FRY: variants seen among roughly 807,000 people sequenced by gnomAD.
FRY encodes the protein protein furry homolog.
A neutral mutation model predicts 348.4 loss-of-function variants in FRY; 128 were observed. The ratio of observed to expected loss-of-function variants is 0.37; its 90% confidence interval spans 0.32 to 0.43. The LOEUF (loss-of-function observed/expected upper bound fraction) is 0.43, where lower values mean the gene tolerates loss of function less well. Among genes scored for constraint, FRY ranks in the 20% least tolerant of loss-of-function variants. FRY has a pLI of 1.00. For synonymous variants in FRY, 1,370 were observed against 1,374.7 expected (o/e 1.00, Z 0.08); for missense variants, 2,736 against 3,695.2 (o/e 0.74, Z 6.73).
chr13:32,167,068 G>A (rs946273946), intron 17 of FRY, among the ~76,000 whole-genome samples: 9 of 152,170 alleles, frequency 5.9e-5, no homozygotes, highest in Admixed American at 3.9e-4. Flanking sequence ...CAAATTGTGC[G>A]TGAGAGCAAA....
At chr13:32,180,037 TG>T (rs1882604124) in intron 23 of FRY, among the ~76,000 whole-genome samples, 1 of 152,224 alleles carries the variant, frequency 6.6e-6, no homozygotes, top group Admixed American at 6.5e-5. Flanking sequence ...TTTATTTCAC[TG>T]GCAAGCTTTG....
chr13:32,226,036 G>A (rs1885561644), intron 39 of FRY, 62 bp downstream of exon 39: 20 of 1,433,158 alleles, frequency 1.4e-5, no homozygotes, highest in East Asian at 4.6e-5. Flanking sequence ...AACTAACTGC[G>A]GGTGCCAGTG....
rs545299025 is a variant in FRY at position 32,285,563 on chromosome 13, C to T, written c.8470-4070C>T. Reference sequence around the variant, plus strand: ...GCTGGAGTCGAAAAGTTTCCTCTGCCTTTATTGAACAGAAAAGATTTTACT... The same window carrying T: ...GCTGGAGTCGAAAAGTTTCCTCTGCTTTTATTGAACAGAAAAGATTTTACT... On this transcript the variant is annotated intron_variant, in intron 58 of 60. Transcript: ENST00000542859. Among the ~76,000 whole-genome samples, 7 of 152,270 alleles carry T rather than the reference C, an allele frequency of 4.6e-5. No individual in the cohort carries two copies. In the South Asian group the frequency reaches 1.2e-3, roughly 27 times the overall value.
intron 7 of FRY, among the ~76,000 whole-genome samples, chr13:32,130,054 C>CTT (rs746424659): frequency 0.01 from 1,286 of 127,992 alleles, 29 homozygotes; most frequent in African/African-American, 0.037. Context: ...CTCCCCCAGC[C>CTT]TTTTTTTTTT....
intron 35 of FRY, among the ~76,000 whole-genome samples, chr13:32,215,717 G>T (rs1002383950): frequency 2.7e-4 from 41 of 152,118 alleles, no homozygotes; most frequent in African/African-American, 8.9e-4. Context: ...ATACAGACAT[G>T]TGTCACCACA....
intron 1 of FRY, among the ~76,000 whole-genome samples, chr13:32,070,420 G>T (rs1258909927): frequency 6.6e-6 from 1 of 152,214 alleles, no homozygotes; most frequent in Non-Finnish European, 1.5e-5. Context: ...TAACTGGCAT[G>T]AGATGGTATC....
intron 16 of FRY, among the ~76,000 whole-genome samples, chr13:32,159,353 G>C (rs889665332): frequency 3.9e-5 from 6 of 152,124 alleles, no homozygotes; most frequent in Non-Finnish European, 5.9e-5. Context: ...GATATTTGAA[G>C]CTGGGCCACC....
intron 20 of FRY, 84 bp from the exon 21 acceptor site, chr13:32,178,093 A>AGAAT (rs912747254): frequency 6.9e-7 from 1 of 1,445,660 alleles, no homozygotes; most frequent in African/African-American, 1.4e-5. Flanking sequence ...GCACTGTGCA[A>AGAAT]GAATGAGTAG....
intron 58 of FRY, among the ~76,000 whole-genome samples, chr13:32,283,808 T>C (rs1045903042): frequency 1.3e-5 from 2 of 152,226 alleles, no homozygotes; most frequent in Non-Finnish European, 2.9e-5. Flanking sequence ...TTGCGGACAC[T>C]GCTTTAGTAG....
Position 32,184,682 on chromosome 13 carries a change from T to A in FRY, c.3137T>A (p.Ile1046Lys). 1 of 1,592,430 alleles carries A rather than the reference T, an allele frequency of 6.3e-7. No homozygotes were observed. Among genetic ancestry groups the A allele is most frequent in the Non-Finnish European group, 8.6e-7 (1 of 1,160,196 alleles). Residue 1046 changes from isoleucine to lysine, a missense_variant, in exon 25 of 61, where the codon ATA becomes AAA. By Grantham distance (102) the Ile-to-Lys change is moderately radical. This residue lies in a region of FRY where 449 missense variants were observed against 576.9 expected (regional missense o/e 0.78). Coordinates refer to ENST00000542859, the MANE Select transcript of FRY (RefSeq NM_023037.3). ...IFELLADAGV[I>K]SDSTNGALER... is the part of the protein sequence containing the mutation. ...GAACTTTTGGCTGATGCTGGTGTAA[T>A]AAGTGACAGGTAGGATCAGAATTCT...
intron 2 of FRY, among the ~76,000 whole-genome samples, chr13:32,082,505 A>G (rs1875565155): frequency 6.6e-6 from 1 of 152,184 alleles, no homozygotes; most frequent in African/African-American, 2.4e-5. Flanking sequence ...TGTCTCTTTT[A>G]TATTTTTATT....
chr13:32,252,096 A>G (rs1887113237), intron 50 of FRY, 144 bp downstream of exon 50: 1 of 696,840 alleles, frequency 1.4e-6, no homozygotes, highest in Non-Finnish European at 2.6e-6. Context: ...CCCCTGGACT[A>G]TTTCTCCCCA....
chr13:32,263,969 T>C (rs1040644867), intron 53 of FRY, among the ~76,000 whole-genome samples: 1 of 152,004 alleles, frequency 6.6e-6, no homozygotes, highest in Non-Finnish European at 1.5e-5. Context: ...ATCGCACCAC[T>C]GCACTCCAGC....
chr13:32,193,058 G>C (rs1361709518), intron 28 of FRY, among the ~76,000 whole-genome samples: 1 of 151,576 alleles, frequency 6.6e-6, no homozygotes, highest in African/African-American at 2.4e-5. Flanking sequence ...GTTACTTTCT[G>C]AGAAGAAAGT....
At chr13:32,049,478 C>T (rs975611431) in intron 1 of FRY, among the ~76,000 whole-genome samples, 5 of 152,118 alleles carry the variant, frequency 3.3e-5, no homozygotes, top group African/African-American at 7.2e-5. Context: ...CTTGCTCTGT[C>T]GGCTGGAGTG....
intron 4 of FRY, 28 bp downstream of exon 4, chr13:32,117,501 GT>G (rs761927514): frequency 1.7e-5 from 27 of 1,606,756 alleles, no homozygotes; most frequent in Admixed American, 6.7e-5. Context: ...AAGGATCATG[GT>G]TTTATTTTGT....
intron 29 of FRY, among the ~76,000 whole-genome samples, chr13:32,201,511 G>A (rs75145372): frequency 0.022 from 3,423 of 152,298 alleles, 59 homozygotes; most frequent in Non-Finnish European, 0.034. Flanking sequence ...CCTGATAGTT[G>A]TTTGGCACTT....
chr13:32,292,669 G>A lies in FRY; in HGVS notation c.8581-1699G>A, dbSNP rs146448757. 8.2e-4 allele frequency among the ~76,000 whole-genome samples: 124 copies of A among 152,084 alleles called. 1 individual carries two copies. Among genetic ancestry groups the A allele is most frequent in the African/African-American group, 2.8e-3 (116 of 41,510 alleles). On this transcript the variant is annotated intron_variant, in intron 59 of 60. Transcript: ENST00000542859. ...TAGCCAGGCATGGTAGCCCGTGCCC[G>A]TAATCCCAGCTACTTGAGAGGCTGA... is the stretch of plus-strand genomic sequence containing the variant.
chr13:32,285,903 A>G (rs1232078300), intron 58 of FRY, among the ~76,000 whole-genome samples: 2 of 152,202 alleles, frequency 1.3e-5, no homozygotes, highest in African/African-American at 4.8e-5. Context: ...TTTAGATGTA[A>G]AGTTTTCTTG....
Sources: allele counts gnomAD v4.1 joint callset (sites outside exome capture counted in the v4.1 genomes callset), GRCh38; gene constraint gnomAD v4.1.1; regional missense constraint gnomAD v4.1.1; transcripts MANE v1.5; gene names NCBI Gene and HGNC (gene_info 2026-07-23, HGNC 2026-07-21).